Variants in PXDNL observed in about 807,000 individuals in gnomAD.
PXDNL encodes probable oxidoreductase PXDNL.
PXDNL carries 145 observed loss-of-function variants against 150.8 expected under a neutral mutation model. That is an observed-to-expected ratio of 0.96 (90% CI 0.84 to 1.10). PXDNL has a LOEUF of 1.10. PXDNL is among the 50% of genes least tolerant of loss of function. The probability of loss-of-function intolerance (pLI) is 0.00; values close to 1 mark genes in which losing one functional copy is unlikely to be tolerated. For missense variants in PXDNL, 2,087 were observed against 1,873.9 expected, an observed-to-expected ratio of 1.11 and a Z score of -2.10; for synonymous variants, 757 against 725.7, an observed-to-expected ratio of 1.04 and a Z score of -0.69.
At chr8:51,564,622 A>G (rs539422123) in intron 3 of PXDNL, among the ~76,000 whole-genome samples, 3 of 151,690 alleles carry the variant, frequency 2.0e-5, no homozygotes, top group Non-Finnish European at 4.4e-5. Flanking sequence ...ATAAGGGAGA[A>G]GAAGAGAAAA....
intron 3 of PXDNL, among the ~76,000 whole-genome samples, chr8:51,561,887 C>T (rs1812726959): frequency 6.6e-6 from 1 of 151,862 alleles, no homozygotes; most frequent in Non-Finnish European, 1.5e-5. Context: ...ACCACAATTA[C>T]ACTTTTTAAA....
At chr8:51,672,171 A>ATGG in intron 1 of PXDNL, among the ~76,000 whole-genome samples, 1 of 152,156 alleles carries the variant, frequency 6.6e-6, no homozygotes, top group African/African-American at 2.4e-5. Context: ...TAATACAGAC[A>ATGG]GGTTTCACCA....
chr8:51,658,624 C>T (rs1215611770), intron 1 of PXDNL, among the ~76,000 whole-genome samples: 1 of 152,036 alleles, frequency 6.6e-6, no homozygotes, highest in Admixed American at 6.6e-5. Flanking sequence ...CAGTGTATTA[C>T]CTATCGTAGG....
At chr8:51,664,453 A>G (rs1815337941) in intron 1 of PXDNL, among the ~76,000 whole-genome samples, 1 of 152,158 alleles carries the variant, frequency 6.6e-6, no homozygotes, top group Non-Finnish European at 1.5e-5. Flanking sequence ...ACTCCATGTT[A>G]AATGTGGCTC....
intron 2 of PXDNL, among the ~76,000 whole-genome samples, chr8:51,619,191 C>T (rs1351666546): frequency 6.6e-6 from 1 of 152,114 alleles, no homozygotes; most frequent in Non-Finnish European, 1.5e-5. Flanking sequence ...ATTCTTCTTC[C>T]CCAAGGTGGA....
At chr8:51,447,189 C>T (rs758204342) in intron 11 of PXDNL, 27 bp from the exon 12 acceptor site, 20 of 1,609,702 alleles carry the variant, frequency 1.2e-5, no homozygotes. Flanking sequence ...AGAAAGTATT[C>T]TTCATGGCCC....
chr8:51,540,766 C>T (rs1205572158), intron 4 of PXDNL, among the ~76,000 whole-genome samples: 2 of 152,088 alleles, frequency 1.3e-5, no homozygotes, highest in Admixed American at 6.5e-5. Flanking sequence ...TTTATACTTA[C>T]TTTCTGTTTA....
chr8:51,478,620 C>T (rs1355176718), intron 6 of PXDNL, among the ~76,000 whole-genome samples: 3 of 152,170 alleles, frequency 2.0e-5, no homozygotes, highest in African/African-American at 7.2e-5. Context: ...GTCGGGTGAT[C>T]CTTCAAAGTG....
intron 19 of PXDNL, among the ~76,000 whole-genome samples, chr8:51,354,751 T>G (rs1027150715): frequency 6.6e-6 from 1 of 152,102 alleles, no homozygotes; most frequent in African/African-American, 2.4e-5. Flanking sequence ...AGAAAAATTT[T>G]TCTTTCTTAT....
intron 2 of PXDNL, among the ~76,000 whole-genome samples, chr8:51,628,399 C>CTTTTCTT (rs1814410711): frequency 2.9e-5 from 2 of 69,750 alleles, no homozygotes; most frequent in Non-Finnish European, 4.8e-5. Flanking sequence ...CTTTTCTTTT[C>CTTTTCTT]TTTTTTTTTT....
chr8:51,809,036 G>A, intron 1 of PXDNL, 145 bp downstream of exon 1: 2 of 794,780 alleles, frequency 2.5e-6, no homozygotes, highest in South Asian at 1.7e-5. Context: ...GCAGAACCAT[G>A]AAATTGTTTG....
intron 1 of PXDNL, among the ~76,000 whole-genome samples, chr8:51,765,967 C>T (rs1307373415): frequency 1.3e-5 from 2 of 151,966 alleles, no homozygotes; most frequent in Non-Finnish European, 1.5e-5. Context: ...CCTCAGCCTC[C>T]CACGTAGCTG....
At chr8:51,323,405 A>G (rs1224752123) in intron 21 of PXDNL, among the ~76,000 whole-genome samples, 1 of 152,012 alleles carries the variant, frequency 6.6e-6, no homozygotes, top group Non-Finnish European at 1.5e-5. Flanking sequence ...TCAGCCTCCC[A>G]GGTAGCTGGA....
Position 51,734,136 on chromosome 8 carries a change from G to A in PXDNL, c.164+75045C>T, listed in dbSNP as rs967459264. 9.9e-5 allele frequency among the ~76,000 whole-genome samples: 15 copies of A among 152,048 alleles called. No individual in the cohort carries two copies. In the South Asian group the frequency reaches 2.1e-3, roughly 21 times the overall value. ...ATCAGTATAATGCGGAGCTTTGAAA[G>A]ATCAATAGCATAGCACCTTTTTACG... On this transcript the variant is annotated intron_variant, in intron 1 of 22. Coordinates refer to ENST00000356297, the MANE Select transcript of PXDNL (RefSeq NM_144651.5).
chr8:51,672,390 G>A (rs906122654), intron 1 of PXDNL, among the ~76,000 whole-genome samples: 12 of 152,218 alleles, frequency 7.9e-5, no homozygotes, highest in Non-Finnish European at 1.0e-4. Flanking sequence ...GTTGTCAGAA[G>A]TTGGTCCATA....
chr8:51,686,589 C>A (rs1158062151), intron 1 of PXDNL, among the ~76,000 whole-genome samples: 1 of 152,124 alleles, frequency 6.6e-6, no homozygotes, highest in African/African-American at 2.4e-5. Context: ...TTTTTATAAT[C>A]GTGTTGCTTT....
intron 1 of PXDNL, among the ~76,000 whole-genome samples, chr8:51,770,676 T>C (rs1020764388): frequency 7.2e-5 from 11 of 152,346 alleles, no homozygotes; most frequent in South Asian, 4.1e-4. Context: ...AGGTACACCA[T>C]AGTTCTAAAC....
intron 1 of PXDNL, among the ~76,000 whole-genome samples, chr8:51,659,878 T>C (rs1815232153): frequency 6.6e-6 from 1 of 150,758 alleles, no homozygotes; most frequent in South Asian, 2.1e-4. Flanking sequence ...TTTATTTATT[T>C]ATTTATTTAT....
At chr8:51,548,942 C>T (rs774585483) in intron 4 of PXDNL, among the ~76,000 whole-genome samples, 4 of 152,076 alleles carry the variant, frequency 2.6e-5, no homozygotes, top group Non-Finnish European at 5.9e-5. Flanking sequence ...ATCCACCTAA[C>T]ACATAAGGAC....
Sources: gnomAD v4.1 joint callset for allele counts (sites outside exome capture counted in the v4.1 genomes callset) on GRCh38, gnomAD v4.1.1 for gene constraint, MANE v1.5 for transcripts, NCBI Gene and HGNC (gene_info 2026-07-23, HGNC 2026-07-21) for gene names.